The following EVI5 variants were observed in gnomAD, a reference collection of about 807,000 sequenced individuals.
The protein encoded by EVI5 is ecotropic viral integration site 5 protein homolog.
Under a neutral mutation model 112.0 loss-of-function variants are expected in EVI5, and 73 were observed. The ratio of observed to expected loss-of-function variants is 0.65; its 90% confidence interval spans 0.54 to 0.79. EVI5 has a LOEUF of 0.79. Ranked by LOEUF, EVI5 falls within the 30% of genes least tolerant of loss-of-function variation. EVI5 has a pLI of 0.00. For synonymous variants in EVI5, 305 were observed against 319.9 expected (o/e 0.95, Z 0.50); for missense variants, 900 against 968.8 (o/e 0.93, Z 0.94).
At chr1:92,673,847 C>G (rs1357231532) in intron 10 of EVI5, among the ~76,000 whole-genome samples, 1 of 152,128 alleles carries the variant, frequency 6.6e-6, no homozygotes, top group East Asian at 1.9e-4. Flanking sequence ...CGGGGGCTCA[C>G]TGACAGATAT....
Position 92,630,053 on chromosome 1 carries a change from A to C in EVI5, c.1528-4119T>G, listed in dbSNP as rs147477931. 6.1e-3 allele frequency among the ~76,000 whole-genome samples: 934 copies of C among 152,206 alleles called. 10 individuals carry two copies. The highest frequency in any genetic ancestry group is 0.022 in the African/African-American group (906 of 41,524). ...TGGTGTATATGTGCCACATTTTCTT[A>C]ATCCAGTCTATCATTGTTGGACATT... On this transcript the variant is annotated intron_variant, in intron 14 of 19. Transcript: ENST00000684568.
chr1:92,613,793 G>A (rs896899396), intron 16 of EVI5, among the ~76,000 whole-genome samples: 1 of 151,872 alleles, frequency 6.6e-6, no homozygotes, highest in South Asian at 2.1e-4. Context: ...GTCTCACTAT[G>A]TTGCCCAGGC....
intron 1 of EVI5, among the ~76,000 whole-genome samples, chr1:92,757,398 GTTT>G (rs11397398): frequency 2.0e-5 from 3 of 150,170 alleles, no homozygotes; most frequent in Middle Eastern, 3.2e-3. Flanking sequence ...TTTTGAAGAG[GTTT>G]TTTTTTATTC....
At chr1:92,773,069 T>C (rs1683644251) in intron 1 of EVI5, among the ~76,000 whole-genome samples, 2 of 149,738 alleles carry the variant, frequency 1.3e-5, no homozygotes, top group African/African-American at 4.9e-5. Context: ...TAGCCGGATG[T>C]GGTGGCACAT....
rs200126355 is a variant in EVI5 at position 92,625,863 on chromosome 1, T to C, written c.1599A>G (p.Arg533=). The C allele has an allele frequency of 1.7e-5, 27 of 1,612,318 alleles. No individual in the cohort carries two copies. The highest frequency in any genetic ancestry group is 2.2e-5 in the Non-Finnish European group (26 of 1,178,588). The part of the protein sequence containing the change: ...LQEELIAVKL[R]EAEAIMGLKE... ...TCAAACCCATAATGGCTTCTGCTTC[T>C]CTAAGTTTCACAGCAATGAGTTCTT... Residue 533 remains arginine (R), a synonymous_variant, in exon 15 of 20, where the codon AGA becomes AGG. Transcript: ENST00000684568.
intron 18 of EVI5, among the ~76,000 whole-genome samples, chr1:92,599,913 A>G (rs77644010): frequency 6.6e-6 from 1 of 152,104 alleles, no homozygotes; most frequent in Non-Finnish European, 1.5e-5. Context: ...TTTCGATATG[A>G]TTGGTATTTA....
At chr1:92,723,764 C>T (rs1675118920) in intron 2 of EVI5, among the ~76,000 whole-genome samples, 1 of 152,152 alleles carries the variant, frequency 6.6e-6, no homozygotes, top group Non-Finnish European at 1.5e-5. Context: ...CAGAACAGAG[C>T]CATATTTTTC....
At chr1:92,716,308 G>A (rs1673675464) in intron 2 of EVI5, among the ~76,000 whole-genome samples, 1 of 152,190 alleles carries the variant, frequency 6.6e-6, no homozygotes, top group Non-Finnish European at 1.5e-5. Flanking sequence ...AGCCTCTGCT[G>A]GTGATACCCA....
At chr1:92,658,002 A>T (rs10874732) in intron 13 of EVI5, among the ~76,000 whole-genome samples, 92,985 of 152,036 alleles carry the variant, frequency 0.61, 29,320 homozygotes, top group East Asian at 0.93. Flanking sequence ...CCCACCAGGT[A>T]CCACCTCCAA....
At chr1:92,728,824 G>A (rs80116366) in intron 2 of EVI5, among the ~76,000 whole-genome samples, 18 of 152,272 alleles carry the variant, frequency 1.2e-4, no homozygotes, top group East Asian at 1.9e-4. Flanking sequence ...ATGCTACTCC[G>A]TCCTGCCTGG....
chr1:92,560,736 ATTATTT>A (rs1482217842), intron 19 of EVI5, among the ~76,000 whole-genome samples: 1 of 151,676 alleles, frequency 6.6e-6, no homozygotes, highest in African/African-American at 2.4e-5. Context: ...ATTTATTATT[ATTATTT>A]TTAATAGAGA....
chr1:92,743,788 G>C (rs1678819640), intron 1 of EVI5, among the ~76,000 whole-genome samples: 1 of 151,542 alleles, frequency 6.6e-6, no homozygotes, highest in Non-Finnish European at 1.5e-5. Flanking sequence ...CACTTTCAAT[G>C]CCTTTTAAAA....
chr1:92,607,447 C>T (rs1484968770), intron 17 of EVI5, 134 bp downstream of exon 17: 2 of 607,678 alleles, frequency 3.3e-6, no homozygotes, highest in Non-Finnish European at 5.1e-6. Context: ...ACTACCAAAA[C>T]AAGTTCAGGA....
At chr1:92,681,972 G>C (rs536709934) in intron 9 of EVI5, among the ~76,000 whole-genome samples, 3 of 152,128 alleles carry the variant, frequency 2.0e-5, no homozygotes, top group Non-Finnish European at 4.4e-5. Flanking sequence ...AGTCCCATTG[G>C]TTTTCCTCCT....
At position 92,546,556 on chromosome 1, in the gene EVI5, C is replaced by A. The variant is rs187039857; in HGVS notation, c.2166+17086G>T. Among the ~76,000 whole-genome samples the A allele has an allele frequency of 1.5e-4, 23 of 152,112 alleles. No individual in the cohort carries two copies. The East Asian group carries it at 3.5e-3, about 23-fold the overall frequency. ...TACTAAAAATATAAAATTAACCGGG[C>A]ATGGTGGCACACGCATGTAATACCA... On this transcript the variant is annotated intron_variant, in intron 19 of 19. Transcript: ENST00000684568.
At chr1:92,764,113 C>A (rs1682274432) in intron 1 of EVI5, among the ~76,000 whole-genome samples, 1 of 152,138 alleles carries the variant, frequency 6.6e-6, no homozygotes, top group Non-Finnish European at 1.5e-5. Context: ...GTTTTAGCTG[C>A]AAATACATAT....
At chr1:92,641,013 G>GAGCA (rs1009736711) in intron 13 of EVI5, among the ~76,000 whole-genome samples, 7 of 152,110 alleles carry the variant, frequency 4.6e-5, no homozygotes. Flanking sequence ...AGTGGGAGCT[G>GAGCA]AGCAATGAGA....
intron 7 of EVI5, among the ~76,000 whole-genome samples, chr1:92,694,682 G>A (rs761393024): frequency 8.5e-5 from 13 of 152,108 alleles, no homozygotes; most frequent in Admixed American, 7.9e-4. Context: ...AATGGATTTC[G>A]CACAAAAATC....
intron 1 of EVI5, chr1:92,757,093 C>T (rs1681068054): frequency 6.1e-6 from 1 of 164,974 alleles, no homozygotes; most frequent in Non-Finnish European, 1.3e-5. Context: ...ACCAGGAAGA[C>T]TGAATATCTC....
Sources: gnomAD v4.1 joint callset for allele counts (sites outside exome capture counted in the v4.1 genomes callset) on GRCh38, gnomAD v4.1.1 for gene constraint, MANE v1.5 for transcripts, NCBI Gene and HGNC (gene_info 2026-07-23, HGNC 2026-07-21) for gene names.